Variants in NKAIN2 observed in about 807,000 individuals in gnomAD.
NKAIN2 encodes sodium/potassium transporting ATPase interacting 2, also known as sodium/potassium-transporting ATPase subunit beta-1-interacting protein 2.
In NKAIN2, 14 loss-of-function variants were observed where a neutral mutation model predicts 32.6. The ratio of observed to expected loss-of-function variants is 0.43; its 90% confidence interval spans 0.28 to 0.67. The LOEUF (loss-of-function observed/expected upper bound fraction) is 0.67, where lower values mean the gene tolerates loss of function less well. Ranked by LOEUF, NKAIN2 falls within the 30% of genes least tolerant of loss-of-function variation. NKAIN2 has a pLI of 0.17. For missense variants in NKAIN2, 198 were observed against 258.3 expected, an observed-to-expected ratio of 0.77 and a Z score of 1.60; for synonymous variants, 80 against 87.2, an observed-to-expected ratio of 0.92 and a Z score of 0.46.
chr6:124,752,299 G>A (rs536478678), intron 4 of NKAIN2, among the ~76,000 whole-genome samples: 1 of 151,970 alleles, frequency 6.6e-6, no homozygotes, highest in East Asian at 1.9e-4. Context: ...TTTTAGATAT[G>A]TTTCTTCCTT....
intron 1 of NKAIN2, among the ~76,000 whole-genome samples, chr6:123,848,644 T>C (rs1235568148): frequency 2.0e-5 from 3 of 152,160 alleles, no homozygotes; most frequent in Non-Finnish European, 2.9e-5. Flanking sequence ...TACCCAGACT[T>C]AGGCAGTTCA....
At chr6:124,295,712 C>T (rs1029253432) in intron 2 of NKAIN2, among the ~76,000 whole-genome samples, 12 of 152,100 alleles carry the variant, frequency 7.9e-5, no homozygotes, top group Admixed American at 2.6e-4. Flanking sequence ...CCAGACAGAA[C>T]ATTTCTTTCA....
At chr6:124,181,515 A>C (rs2114544836) in intron 1 of NKAIN2, among the ~76,000 whole-genome samples, 1 of 152,256 alleles carries the variant, frequency 6.6e-6, no homozygotes, top group East Asian at 1.9e-4. Flanking sequence ...TTTAAACATA[A>C]GTTCCAATTC....
At chr6:123,881,970 C>T (rs1773477972) in intron 1 of NKAIN2, among the ~76,000 whole-genome samples, 1 of 151,792 alleles carries the variant, frequency 6.6e-6, no homozygotes, top group Non-Finnish European at 1.5e-5. Context: ...AGAAGGGTGC[C>T]GTATCTTAAA....
Position 123,893,897 on chromosome 6 carries a change from G to A in NKAIN2, c.54+89643G>A, listed in dbSNP as rs1037862670. 3.3e-5 allele frequency among the ~76,000 whole-genome samples: 5 copies of A among 152,238 alleles called. No homozygotes were observed. The South Asian group carries it at 1.0e-3, about 32-fold the overall frequency. On this transcript the variant is annotated intron_variant, in intron 1 of 6. Coordinates refer to ENST00000368417, the MANE Select transcript of NKAIN2 (RefSeq NM_001040214.3). ...CAGTATCTTAAATTTAGACTTTTGA[G>A]CTTCTCTCTATAGGAGGTTCCTTAG...
intron 1 of NKAIN2, among the ~76,000 whole-genome samples, chr6:123,859,841 C>T (rs879847946): frequency 3.9e-5 from 6 of 152,156 alleles, no homozygotes; most frequent in Non-Finnish European, 8.8e-5. Flanking sequence ...CAGGCACATG[C>T]CACAATGCCT....
rs374270636 is a variant in NKAIN2, at chr6:124,227,022, C to T, written c.55-55983C>T. On this transcript the variant is annotated intron_variant, in intron 1 of 6. Coordinates refer to ENST00000368417, the MANE Select transcript of NKAIN2 (RefSeq NM_001040214.3). The stretch of plus-strand genomic sequence containing the variant: ...GAAACCACACATTTATACTCTTGTG[C>T]GATTTGCTCTTGGAAAGAAATTTCT... 3.1e-3 allele frequency among the ~76,000 whole-genome samples: 470 copies of T among 149,474 alleles called. 2 individuals carry two copies. Among genetic ancestry groups the T allele is most frequent in the African/African-American group, 0.011 (461 of 40,758 alleles).
intron 3 of NKAIN2, among the ~76,000 whole-genome samples, chr6:124,540,568 T>G (rs1779875922): frequency 6.6e-6 from 1 of 152,206 alleles, no homozygotes; most frequent in Admixed American, 6.5e-5. Flanking sequence ...AGCCATGTAC[T>G]ACTATGCAAT....
intron 4 of NKAIN2, among the ~76,000 whole-genome samples, chr6:124,782,429 C>T (rs1053518206): frequency 2.0e-5 from 3 of 152,038 alleles, no homozygotes; most frequent in Non-Finnish European, 2.9e-5. Flanking sequence ...TCCAAATGCA[C>T]CTATTTAATG....
chr6:124,424,394 ATGTGTG>A (rs905305869), intron 3 of NKAIN2, among the ~76,000 whole-genome samples: 1 of 151,834 alleles, frequency 6.6e-6, no homozygotes, highest in African/African-American at 2.4e-5. Context: ...GTGTGTGTGT[ATGTGTG>A]TGTGTGTGAT....
chr6:124,751,343 A>C (rs1475070469), intron 4 of NKAIN2, among the ~76,000 whole-genome samples: 3 of 152,010 alleles, frequency 2.0e-5, no homozygotes, highest in Admixed American at 1.3e-4. Context: ...ATGATTTACA[A>C]ATACAGGTTT....
chr6:124,184,405 T>G (rs1582809202), intron 1 of NKAIN2, among the ~76,000 whole-genome samples: 2 of 152,150 alleles, frequency 1.3e-5, no homozygotes, highest in Non-Finnish European at 2.9e-5. Context: ...TGTTTTAGCC[T>G]GTCTAACTCC....
chr6:124,284,322 C>T (rs1795447246), intron 2 of NKAIN2, among the ~76,000 whole-genome samples: 1 of 152,048 alleles, frequency 6.6e-6, no homozygotes, highest in South Asian at 2.1e-4. Context: ...AGAGTGAGTC[C>T]TCTGAAGTCA....
Position 124,198,069 on chromosome 6 carries a change from GT to G in NKAIN2, c.55-84934del, listed in dbSNP as rs542438680. Among the ~76,000 whole-genome samples the G allele has an allele frequency of 2.0e-3, 311 of 151,956 alleles. 1 individual carries two copies. The highest frequency in any genetic ancestry group is 6.2e-3 in the African/African-American group (259 of 41,452). Reference sequence around the variant, plus strand: ...GGATTTTTCATTGCTGTATGTACTTGTTGTACATCACGAGTTTAAATAACTC... The same window carrying G: ...GGATTTTTCATTGCTGTATGTACTTGTGTACATCACGAGTTTAAATAACTC... On this transcript the variant is annotated intron_variant, in intron 1 of 6. Coordinates refer to ENST00000368417, the MANE Select transcript of NKAIN2 (RefSeq NM_001040214.3).
intron 3 of NKAIN2, among the ~76,000 whole-genome samples, chr6:124,400,358 G>GT (rs1292781730): frequency 8.6e-5 from 13 of 152,024 alleles, no homozygotes; most frequent in African/African-American, 2.9e-4. Flanking sequence ...AGAAAACCAC[G>GT]TTTTTCATAG....
chr6:124,402,726 T>C (rs1301469396), intron 3 of NKAIN2, among the ~76,000 whole-genome samples: 1 of 152,180 alleles, frequency 6.6e-6, no homozygotes, highest in Non-Finnish European at 1.5e-5. Context: ...CTGCATGTTC[T>C]CACTTATAAG....
chr6:123,875,428 A>T (rs1443733373), intron 1 of NKAIN2, among the ~76,000 whole-genome samples: 2 of 151,872 alleles, frequency 1.3e-5, no homozygotes, highest in African/African-American at 2.4e-5. Flanking sequence ...TTAAACATTT[A>T]CTCATACATT....
At chr6:124,695,810 T>A (rs1438909233) in intron 4 of NKAIN2, among the ~76,000 whole-genome samples, 1 of 152,206 alleles carries the variant, frequency 6.6e-6, no homozygotes, top group Non-Finnish European at 1.5e-5. Flanking sequence ...GTGCTATCTT[T>A]TCTCACCCAT....
At chr6:124,479,747 A>C (rs1777370914) in intron 3 of NKAIN2, among the ~76,000 whole-genome samples, 1 of 151,154 alleles carries the variant, frequency 6.6e-6, no homozygotes, top group South Asian at 2.1e-4. Context: ...ACAACTTGGG[A>C]GCTTATGGAA....
Sources: allele counts gnomAD v4.1 joint callset (sites outside exome capture counted in the v4.1 genomes callset), GRCh38; gene constraint gnomAD v4.1.1; transcripts MANE v1.5; gene names NCBI Gene and HGNC (gene_info 2026-07-23, HGNC 2026-07-21).